SPAG1: variants seen among roughly 807,000 people sequenced by gnomAD.
SPAG1 encodes the protein sperm associated antigen 1.
Under a neutral mutation model 100.5 loss-of-function variants are expected in SPAG1, and 69 were observed. The ratio of observed to expected loss-of-function variants is 0.69; its 90% confidence interval spans 0.57 to 0.84. The LOEUF (loss-of-function observed/expected upper bound fraction) is 0.84, where lower values mean the gene tolerates loss of function less well. Ranked by LOEUF, SPAG1 falls within the 40% of genes least tolerant of loss-of-function variation. SPAG1 has a pLI of 0.00. For missense variants in SPAG1, 955 were observed against 1,133.1 expected, an observed-to-expected ratio of 0.84 and a Z score of 2.26; for synonymous variants, 336 against 411.6, an observed-to-expected ratio of 0.82 and a Z score of 2.22.
chr8:100,220,261 T>C lies in SPAG1; in HGVS notation c.1536-18T>C, dbSNP rs755059401. On this transcript the variant is annotated intron_variant, in intron 12 of 18. Transcript: ENST00000388798. The stretch of plus-strand genomic sequence containing the variant: ...ATTTTTCAAAACAAATGGTATGTAA[T>C]ATTTTTGTCTTCTTTAGGGCTCTGG... 6.3e-7 allele frequency: 1 copy of C among 1,599,134 alleles called. No homozygotes were observed.
intron 13 of SPAG1, 87 bp from the exon 14 acceptor site, chr8:100,225,086 C>T: frequency 2.0e-6 from 2 of 1,025,388 alleles, no homozygotes; most frequent in East Asian, 4.9e-5. Flanking sequence ...ATTTGCATAG[C>T]ATTTGCAAAT....
intron 10 of SPAG1, 132 bp from the exon 11 acceptor site, chr8:100,212,958 G>C: frequency 6.0e-6 from 4 of 663,456 alleles, no homozygotes; most frequent in Non-Finnish European, 8.9e-6. Context: ...GGCTCCGCCC[G>C]CAGGGGCGGT....
chr8:100,214,005 T>C (rs1306975206), intron 12 of SPAG1, 87 bp downstream of exon 12: 2 of 699,944 alleles, frequency 2.9e-6, no homozygotes, highest in Admixed American at 5.4e-5. Context: ...ATTTTCTGCC[T>C]AAGGATCTAA....
At chr8:100,226,758 G>A (rs1353981952) in intron 14 of SPAG1, among the ~76,000 whole-genome samples, 4 of 151,934 alleles carry the variant, frequency 2.6e-5, no homozygotes, top group Admixed American at 2.6e-4. Context: ...TATGTGATGA[G>A]GCTAAAGGAA....
In SPAG1 at chr8:100,191,497, G is replaced by A. The variant is rs761092656; in HGVS notation, c.939+1G>A. 4.7e-5 allele frequency: 75 copies of A among 1,593,666 alleles called. No homozygotes were observed. In the South Asian group the frequency reaches 7.6e-4, roughly 16 times the overall value. On this transcript the variant is annotated splice_donor_variant, in intron 9 of 18. Transcript: ENST00000388798. LOFTEE classifies it high-confidence loss of function. ...TGAGCCTGATAATGATTTGGCCAAG[G>A]TAAGTATAGAATGTGATTTCTCACC...
chr8:100,235,059 G>A (rs1243510073), intron 16 of SPAG1, among the ~76,000 whole-genome samples: 1 of 152,168 alleles, frequency 6.6e-6, no homozygotes, highest in Non-Finnish European at 1.5e-5. Context: ...CCATAGACTG[G>A]GTGGCCTGAA....
intron 12 of SPAG1, among the ~76,000 whole-genome samples, chr8:100,219,808 G>A (rs1007313263): frequency 3.3e-5 from 5 of 152,178 alleles, no homozygotes; most frequent in African/African-American, 1.2e-4. Flanking sequence ...GTCTGTTTTT[G>A]AAGCCCTTTT....
chr8:100,174,975 T>C (rs1398082513), intron 3 of SPAG1, among the ~76,000 whole-genome samples: 1 of 151,714 alleles, frequency 6.6e-6, no homozygotes, highest in Non-Finnish European at 1.5e-5. Flanking sequence ...CATGGCTTTT[T>C]TTTTTTTTTT....
chr8:100,234,161 T>A (rs1818898931), intron 16 of SPAG1, among the ~76,000 whole-genome samples: 1 of 152,178 alleles, frequency 6.6e-6, no homozygotes, highest in Admixed American at 6.5e-5. Context: ...GAAAATAACA[T>A]CACAAGGAAA....
rs1298918425 is a variant in SPAG1 at position 100,239,992 on chromosome 8, G to A, written c.2281-411G>A. ...TTATAGTCTCACATTTCCACTAAGA[G>A]TAAGAGGCTAATATGTAAGAGAAGC... is the stretch of plus-strand genomic sequence containing the variant. On this transcript the variant is annotated intron_variant, in intron 17 of 18. Transcript: ENST00000388798. This position sits in a 1 kb window ranked among gnomAD's most constrained non-coding sequence, Gnocchi z 5.0. Among the ~76,000 whole-genome samples, 4 of 152,150 alleles carry A rather than the reference G, an allele frequency of 2.6e-5. No homozygotes were observed. The highest frequency in any genetic ancestry group is 5.9e-5 in the Non-Finnish European group (4 of 68,038).
chr8:100,173,136 G>A (rs2132225932), intron 3 of SPAG1, among the ~76,000 whole-genome samples: 1 of 139,052 alleles, frequency 7.2e-6, no homozygotes, highest in African/African-American at 2.7e-5. Flanking sequence ...TTGAACTCTT[G>A]GGCTCAAGTG....
intron 1 of SPAG1, chr8:100,158,862 CAGAG>C (rs1377959282): frequency 1.3e-5 from 2 of 150,992 alleles, no homozygotes; most frequent in Admixed American, 6.6e-5. Context: ...AAAGGATTCT[CAGAG>C]AGACTTGGTC....
At chr8:100,198,224 G>T (rs1459076553) in intron 10 of SPAG1, among the ~76,000 whole-genome samples, 2 of 152,122 alleles carry the variant, frequency 1.3e-5, no homozygotes, top group African/African-American at 4.8e-5. Context: ...TCTTGTGCTA[G>T]AACTGGCAGG....
chr8:100,172,494 C>T (rs145073955), intron 3 of SPAG1, among the ~76,000 whole-genome samples: 1,649 of 152,132 alleles, frequency 0.011, 12 homozygotes, highest in Non-Finnish European at 0.019. Context: ...GTGGTGCATG[C>T]CTGTAATCCC....
rs1350557716 is a variant in SPAG1 at position 100,233,939 on chromosome 8, CG to C, written c.2115+404del. 3.3e-5 allele frequency among the ~76,000 whole-genome samples: 5 copies of C among 152,132 alleles called. No individual in the cohort carries two copies. In the East Asian group the frequency reaches 7.7e-4, roughly 23 times the overall value. ...TCAGAATAGAAGATGGGTGACCCAG[CG>C]GAAGTTGGGAGAGACACATCGGAGA... On this transcript the variant is annotated intron_variant, in intron 16 of 18. Transcript: ENST00000388798.
At chr8:100,191,525 A>G in intron 9 of SPAG1, 29 bp downstream of exon 9, 1 of 1,421,772 alleles carries the variant, frequency 7.0e-7, no homozygotes, top group Non-Finnish European at 9.9e-7. Context: ...TTCTCACCTA[A>G]TTCTGTAGTT....
chr8:100,166,152 G>A lies in SPAG1; in HGVS notation c.300+179G>A, dbSNP rs73279024. ...TGCGAATTCGCGTGTGTGTGCGTCC[G>A]TACATGTGTATATTTAAATTGATTA... is the stretch of plus-strand genomic sequence containing the variant. On this transcript the variant is annotated intron_variant, in intron 3 of 18. Transcript: ENST00000388798. Among the ~76,000 whole-genome samples the A allele has an allele frequency of 6.0e-3, 916 of 152,178 alleles. 14 individuals are homozygous for A. The highest frequency in any genetic ancestry group is 0.021 in the African/African-American group (889 of 41,508).
rs540664758 is a variant in SPAG1 at position 100,231,885 on chromosome 8, C to T, written c.1988+597C>T. The stretch of plus-strand genomic sequence containing the variant: ...GCTGAGGCAGGAGAATGGCGTGAAC[C>T]CGGGAGGCAGAGCTTGCAGTGAGCC... On this transcript the variant is annotated intron_variant, in intron 15 of 18. Transcript: ENST00000388798. 3.3e-5 allele frequency among the ~76,000 whole-genome samples: 5 copies of T among 152,020 alleles called. No individual in the cohort carries two copies. In the South Asian group the frequency reaches 8.3e-4, roughly 25 times the overall value.
chr8:100,218,419 G>A (rs2132379204), intron 12 of SPAG1, among the ~76,000 whole-genome samples: 1 of 152,326 alleles, frequency 6.6e-6, no homozygotes. Context: ...GTCATTGGAA[G>A]TCTTCTGTGA....
Sources: gnomAD v4.1 joint callset for allele counts (sites outside exome capture counted in the v4.1 genomes callset) on GRCh38, gnomAD v4.1.1 for gene constraint, Gnocchi (gnomAD v3.1) non-coding constraint, MANE v1.5 for transcripts, NCBI Gene and HGNC (gene_info 2026-07-23, HGNC 2026-07-21) for gene names.